Variants in SP100 observed in about 807,000 individuals in gnomAD.
The protein encoded by SP100 is SP100 nuclear body protein.
In SP100, 84 loss-of-function variants were observed where a neutral mutation model predicts 130.0. That is an observed-to-expected ratio of 0.65 (90% CI 0.54 to 0.77). SP100 has a LOEUF of 0.77. Ranked by LOEUF, SP100 falls within the 30% of genes least tolerant of loss-of-function variation. SP100 has a pLI of 0.00. For synonymous variants in SP100, 331 were observed against 351.7 expected, an observed-to-expected ratio of 0.94 and a Z score of 0.66; for missense variants, 978 against 1,052.2, an observed-to-expected ratio of 0.93 and a Z score of 0.97.
chr2:230,486,488 C>A (rs1212861362), intron 17 of SP100, among the ~76,000 whole-genome samples: 1 of 152,204 alleles, frequency 6.6e-6, no homozygotes, highest in East Asian at 1.9e-4. Flanking sequence ...ATCCATGTCC[C>A]TGCAAAGCAC....
At chr2:230,431,476 C>T (rs2063097938) in intron 2 of SP100, among the ~76,000 whole-genome samples, 1 of 152,098 alleles carries the variant, frequency 6.6e-6, no homozygotes. Flanking sequence ...GTTTTGTGGT[C>T]CAAGGGAGGT....
At chr2:230,503,026 A>C (rs766804107) in intron 19 of SP100, 40 bp from the exon 20 acceptor site, 1 of 1,462,106 alleles carries the variant, frequency 6.8e-7, no homozygotes, top group African/African-American at 1.4e-5. Flanking sequence ...TACTATTTGC[A>C]ATGTAAAGAG....
At chr2:230,471,463 G>T (rs1423038919) in intron 15 of SP100, among the ~76,000 whole-genome samples, 1 of 152,176 alleles carries the variant, frequency 6.6e-6, no homozygotes, top group Non-Finnish European at 1.5e-5. Context: ...TGAATTTAGA[G>T]CTCCTCCAAT....
intron 17 of SP100, among the ~76,000 whole-genome samples, chr2:230,476,819 T>C (rs2065570455): frequency 6.6e-6 from 1 of 152,220 alleles, no homozygotes; most frequent in South Asian, 2.1e-4. Flanking sequence ...TTCTTCTTCA[T>C]AAAACTCTTT....
At chr2:230,417,687 C>G (rs185570449) in intron 2 of SP100, 22 bp downstream of exon 2, 7 of 1,604,426 alleles carry the variant, frequency 4.4e-6, no homozygotes, top group African/African-American at 2.7e-5. Context: ...AGAGTTATGT[C>G]TTGTTTTAAT....
Position 230,504,179 on chromosome 2 carries a change from C to T in SP100, c.1766-7C>T. The T allele has an allele frequency of 1.3e-6, 2 of 1,571,066 alleles. No homozygotes were observed. Among genetic ancestry groups the T allele is most frequent in the Non-Finnish European group, 1.8e-6 (2 of 1,142,650 alleles). ...GATGGAATGGAAAAAAAAATGCTTCCTTGCAGGTCCAAGAATTCCCAAAGA... is the reference window on the plus strand; with the variant it reads ...GATGGAATGGAAAAAAAAATGCTTCTTTGCAGGTCCAAGAATTCCCAAAGA... On this transcript the variant is annotated splice_region_variant and splice_polypyrimidine_tract_variant and intron_variant, in intron 20 of 28. Transcript: ENST00000340126.
chr2:230,425,367 A>G (rs765552859), intron 2 of SP100, among the ~76,000 whole-genome samples: 46 of 145,276 alleles, frequency 3.2e-4, no homozygotes, highest in African/African-American at 9.7e-4. Flanking sequence ...ACTTTTTTAG[A>G]TTCCTCGGTC....
At chr2:230,489,653 T>A (rs1057222859) in intron 17 of SP100, among the ~76,000 whole-genome samples, 1 of 152,200 alleles carries the variant, frequency 6.6e-6, no homozygotes, top group African/African-American at 2.4e-5. Context: ...GGGCATTTAG[T>A]GCTATAAATT....
In SP100 at chr2:230,462,528, T is replaced by C. The variant is rs764996038; in HGVS notation, c.1057+10T>C. On this transcript the variant is annotated intron_variant, in intron 10 of 28. Transcript: ENST00000340126. ...CCGAGAAGTGAGCCTGGTAAGGAAG[T>C]TTGGGAGAGCAAGGCTTGGGCTGTG... is the stretch of plus-strand genomic sequence containing the variant. 1.9e-6 allele frequency: 3 copies of C among 1,605,038 alleles called. No homozygotes were observed. In the East Asian group the frequency reaches 6.7e-5, roughly 36 times the overall value.
At chr2:230,425,896 A>G (rs2062916307) in intron 2 of SP100, among the ~76,000 whole-genome samples, 2 of 151,978 alleles carry the variant, frequency 1.3e-5, no homozygotes, top group Admixed American at 1.3e-4. Context: ...TTTTTCTTTA[A>G]TGGAAAGTTG....
chr2:230,437,673 C>A (rs2149890627), intron 2 of SP100, among the ~76,000 whole-genome samples: 1 of 152,150 alleles, frequency 6.6e-6, no homozygotes, highest in East Asian at 1.9e-4. Flanking sequence ...ATTCTCCTGC[C>A]TCAGCCTCCC....
chr2:230,469,687 T>C (rs752172301), intron 14 of SP100: 7 of 1,067,996 alleles, frequency 6.6e-6, no homozygotes, highest in Non-Finnish European at 8.7e-6. Context: ...TTGCATTCAT[T>C]GGTCTTCTTA....
chr2:230,425,510 T>C (rs1464829064), intron 2 of SP100, among the ~76,000 whole-genome samples: 1 of 152,242 alleles, frequency 6.6e-6, no homozygotes, highest in Admixed American at 6.5e-5. Flanking sequence ...TCTATTAAAA[T>C]GTTCATATGA....
At chr2:230,539,704 A>G (rs1692089093) in intron 25 of SP100, among the ~76,000 whole-genome samples, 4 of 150,760 alleles carry the variant, frequency 2.7e-5, no homozygotes, top group Admixed American at 2.6e-4. Flanking sequence ...CTGCTGGTTT[A>G]AAGAGTACAC....
chr2:230,513,555 GATCA>G (rs1690738948), intron 24 of SP100, among the ~76,000 whole-genome samples: 2 of 151,836 alleles, frequency 1.3e-5, no homozygotes, highest in Non-Finnish European at 2.9e-5. Context: ...AAGTATTGCT[GATCA>G]ATCTGCTAGG....
chr2:230,485,642 T>C (rs1032377007), intron 17 of SP100, among the ~76,000 whole-genome samples: 4 of 152,224 alleles, frequency 2.6e-5, no homozygotes, highest in Non-Finnish European at 5.9e-5. Context: ...CCCTGATTTC[T>C]TTTATTGATG....
At chr2:230,486,193 G>A (rs1238333140) in intron 17 of SP100, among the ~76,000 whole-genome samples, 14 of 152,156 alleles carry the variant, frequency 9.2e-5, no homozygotes, top group African/African-American at 3.1e-4. Context: ...CAGGAGAGAG[G>A]GTGAGCTACG....
intron 19 of SP100, among the ~76,000 whole-genome samples, chr2:230,499,409 T>C (rs1477599170): frequency 4.4e-5 from 6 of 137,922 alleles, no homozygotes; most frequent in African/African-American, 1.7e-4. Context: ...GACAAATTTG[T>C]CATCTAAAAG....
chr2:230,439,910 A>G (rs1397144270), intron 2 of SP100, among the ~76,000 whole-genome samples: 1 of 152,080 alleles, frequency 6.6e-6, no homozygotes. Flanking sequence ...AATGCAAACT[A>G]TGTCTGCTTT....
Sources: gnomAD v4.1 joint callset for allele counts (sites outside exome capture counted in the v4.1 genomes callset) on GRCh38, gnomAD v4.1.1 for gene constraint, MANE v1.5 for transcripts, NCBI Gene and HGNC (gene_info 2026-07-23, HGNC 2026-07-21) for gene names.